ATG9B: variants seen among roughly 807,000 people sequenced by gnomAD.
The protein encoded by ATG9B is autophagy-related protein 9B.
A neutral mutation model predicts 92.9 loss-of-function variants in ATG9B; 92 were observed. The ratio of observed to expected loss-of-function variants is 0.99; its 90% CI spans 0.84 to 1.18. ATG9B has a LOEUF of 1.18. Among genes scored for constraint, ATG9B ranks in the 50% most tolerant of loss-of-function variants. The pLI is 0.00. For synonymous variants in ATG9B, 599 were observed against 551.4 expected (o/e 1.09, Z -1.21); for missense variants, 1,344 against 1,235.0 (o/e 1.09, Z -1.32).
intron 11 of ATG9B, 38 bp downstream of exon 11, chr7:151,016,393 T>C: frequency 1.3e-6 from 2 of 1,543,894 alleles, no homozygotes; most frequent in Non-Finnish European, 1.8e-6. Flanking sequence ...TCACCTGCCT[T>C]CTCTCCACAT....
At chr7:151,012,317 C>T (rs2117138020), downstream of ATG9B, 1 of 1,531,540 alleles carries the variant, frequency 6.5e-7, no homozygotes, top group Non-Finnish European at 8.8e-7. Context: ...GCAGGAAAGG[C>T]AAAGGGGACC....
At position 151,018,482 on chromosome 7, in the gene ATG9B, C is replaced by A. The variant is rs773909156; in HGVS notation, c.1719-35G>T. ...GGGATCCGTGGGGGGAAGGGGCCTG[C>A]GATTAGGAGGACGCGCGGTGGGATG... On this transcript the variant is annotated intron_variant, in intron 6 of 13. Transcript: ENST00000639579. The surrounding 1 kb of genome is among the most constrained non-coding windows in gnomAD (Gnocchi z 4.7). The A allele has an allele frequency of 4.6e-6, 7 of 1,515,882 alleles. No homozygotes were observed. The highest frequency in any genetic ancestry group is 1.3e-5 in the South Asian group (1 of 76,988). 93.9% of individuals were successfully genotyped at this position (1,515,882 alleles called of 1,614,324 possible).
intron 5 of ATG9B, 145 bp from the exon 6 acceptor site, chr7:151,019,519 C>T: frequency 1.8e-6 from 2 of 1,117,130 alleles, no homozygotes; most frequent in Non-Finnish European, 2.4e-6. Context: ...ACATCGTCCC[C>T]CTCTCCCACC....
chr7:151,017,067 G>C lies in ATG9B; in HGVS notation c.2258C>G (p.Pro753Arg), dbSNP rs375556046. Residue 753 changes from proline to arginine, a missense_variant, in exon 9 of 14, where the codon CCG becomes CGG. By Grantham distance (103) the Pro-to-Arg change is moderately radical. Transcript: ENST00000639579. ...GATSARGPST[P>R]GVLSNCTSPL... ...CGAGGTGCAGTTGCTGAGCACCCCC[G>C]GGGTGGAGGGGCCGCGAGCCGAGGT... 1.5e-4 allele frequency: 239 copies of C among 1,604,858 alleles called. No individual in the cohort carries two copies. In the East Asian group the frequency reaches 2.9e-3, roughly 19 times the overall value.
At chr7:151,017,676 T>C (rs1258411323) in intron 8 of ATG9B, among the ~76,000 whole-genome samples, 195 bp downstream of exon 8, 1 of 152,242 alleles carries the variant, frequency 6.6e-6, no homozygotes, top group Admixed American at 6.5e-5. Flanking sequence ...AGCCTGGCCT[T>C]GGCTGTGCTC....
chr7:151,014,423 C>T (rs571644639), downstream of ATG9B: 9 of 471,506 alleles, frequency 1.9e-5, no homozygotes, highest in Admixed American at 1.5e-4. Flanking sequence ...GGGCCTACTG[C>T]CACCCGCTTC....
chr7:151,015,672 A>C lies in ATG9B; in HGVS notation c.*56T>G, dbSNP rs1584918648. 1.8e-6 allele frequency: 1 copy of C among 551,228 alleles called. No homozygotes were observed. The highest frequency in any genetic ancestry group is 4.2e-5 in the South Asian group (1 of 23,820). 34.1% of individuals were successfully genotyped at this position (551,228 alleles called of 1,614,324 possible). A position where few individuals can be genotyped will look rare whatever the true frequency, so the allele number is the denominator to read the frequency against. ...TAACAATGACTCCTTGTGTTTTTCTACTCCACCCTCCAATCTCCTGTGGCT... is the reference window on the plus strand; with the variant it reads ...TAACAATGACTCCTTGTGTTTTTCTCCTCCACCCTCCAATCTCCTGTGGCT... On this transcript the variant is annotated 3_prime_UTR_variant, in exon 14 of 14. Coordinates refer to ENST00000639579, the MANE Select transcript of ATG9B (RefSeq NM_001317056.2).
rs1563267794 is a variant in ATG9B, at chr7:151,023,963, A to T, written c.461T>A (p.Leu154Gln). 6 of 1,589,900 alleles carry T rather than the reference A, an allele frequency of 3.8e-6. No homozygotes were observed. The highest frequency in any genetic ancestry group is 5.1e-6 in the Non-Finnish European group (6 of 1,168,208). Reference protein sequence around the residue: ...PLIPEQDYERLEDCDPEGSQD... With the variant: ...PLIPEQDYERQEDCDPEGSQD... ...GGACCCCTCAGGGTCACAGTCCTCC[A>T]GCCGCTCATAATCCTGTTCAGGGAT... is the stretch of plus-strand genomic sequence containing the variant. Residue 154 changes from leucine to glutamine, a missense_variant, in exon 1 of 14, where the codon CTG becomes CAG. Leu to Gln is a moderately radical substitution (Grantham distance 113, BLOSUM62 -2). Transcript: ENST00000639579.
chr7:151,014,442 T>G (rs1226590873), downstream of ATG9B: 2 of 460,946 alleles, frequency 4.3e-6, no homozygotes, highest in Admixed American at 3.8e-5. Context: ...TCCTGTTTCT[T>G]AGTCGAATGT....
In ATG9B at chr7:151,018,455, G is replaced by T; in HGVS notation, c.1719-8C>A. On this transcript the variant is annotated splice_polypyrimidine_tract_variant and splice_region_variant and intron_variant, in intron 6 of 13. Coordinates refer to ENST00000639579, the MANE Select transcript of ATG9B (RefSeq NM_001317056.2). This position sits in a 1 kb window ranked among gnomAD's most constrained non-coding sequence, Gnocchi z 4.7. ...TCTTCCGGAATGAAAGACCTGAAAG[G>T]CGGGATCCGTGGGGGGAAGGGGCCT... 1 of 1,523,416 alleles carries T rather than the reference G, an allele frequency of 6.6e-7. No individual in the cohort carries two copies. The allele number at this position is 1,523,416 out of a possible 1,614,324, so 94.4% of individuals were successfully genotyped here. A position where few individuals can be genotyped will look rare whatever the true frequency, so the allele number is the denominator to read the frequency against.
In ATG9B at chr7:151,018,655, G is replaced by A. The variant is rs1795613097; in HGVS notation, c.1683C>T (p.Ala561=). The A allele has an allele frequency of 8.1e-6, 13 of 1,607,504 alleles. No individual in the cohort carries two copies. The highest frequency in any genetic ancestry group is 1.3e-5 in the African/African-American group (1 of 74,614). Residue 561 remains alanine, a synonymous_variant, in exon 6 of 14, where the codon GCC becomes GCT. Coordinates refer to ENST00000639579, the MANE Select transcript of ATG9B (RefSeq NM_001317056.2). The surrounding 1 kb of genome is among the most constrained non-coding windows in gnomAD (Gnocchi z 4.7). ...DVLAVEHVLT[A]MTALGVTATV... ...TGGCGGTGACCCCGAGCGCGGTCATGGCGGTGAGCACGTGCTCCACGGCTA... is the reference window on the plus strand; with the variant it reads ...TGGCGGTGACCCCGAGCGCGGTCATAGCGGTGAGCACGTGCTCCACGGCTA...
rs746670640 is a variant in ATG9B at position 151,024,136 on chromosome 7, G to A, written c.288C>T (p.Thr96=). Residue 96 remains threonine, a synonymous_variant, in exon 1 of 14, where the codon ACC becomes ACT. Coordinates refer to ENST00000639579, the MANE Select transcript of ATG9B (RefSeq NM_001317056.2). ...TTGCAGGTTGAGCCTGTGTTGGGGG[G>A]GTGGCTGGGATAGGGAGAGCACTGT... ...SCHSALPIPA[T]PPTQAQPAMT... 6 of 1,588,702 alleles carry A rather than the reference G, an allele frequency of 3.8e-6. No homozygotes were observed. Among genetic ancestry groups the A allele is most frequent in the African/African-American group, 1.3e-5 (1 of 74,618 alleles).
chr7:151,016,388 T>C, intron 11 of ATG9B, 43 bp downstream of exon 11: 1 of 1,541,692 alleles, frequency 6.5e-7, no homozygotes, highest in Non-Finnish European at 8.8e-7. Context: ...GTTGTTCACC[T>C]GCCTTCTCTC....
chr7:151,019,009 G>C lies in ATG9B; in HGVS notation c.1329C>G (p.Ala443=), dbSNP rs368435711. ...ARWGRTVLLL[A]ALNLALSPLV... is the part of the protein sequence containing the mutation. ...GCGGGCTCAGCGCCAGGTTCAGGGC[G>C]GCCAGCAGCAGCACTGTGCGCCCCC... The change falls in exon 6 of 14, where the codon GCC becomes GCG. Residue 443 remains alanine, a synonymous_variant. Transcript: ENST00000639579. 7.7e-6 allele frequency: 12 copies of C among 1,562,208 alleles called. No homozygotes were observed. The South Asian group carries it at 1.3e-4, about 17-fold the overall frequency.
At chr7:151,014,198 G>T, downstream of ATG9B, 1 of 1,578,858 alleles carries the variant, frequency 6.3e-7, no homozygotes, top group Non-Finnish European at 8.6e-7. Context: ...TTCCAGTTCC[G>T]GGAGAGCGGC....
rs538173506 is a variant in ATG9B at position 151,022,236 on chromosome 7, C to G, written c.821+809G>C. 3.4e-5 allele frequency among the ~76,000 whole-genome samples: 5 copies of G among 148,428 alleles called. 1 individual carries two copies. The highest frequency in any genetic ancestry group is 1.3e-4 in the African/African-American group (5 of 39,518). ...GTAGGGATGCTGCAGTGATCAGAGA[C>G]AGTCACTGTCTTAGCCTCCTGACTA... On this transcript the variant is annotated intron_variant, in intron 4 of 13. Coordinates refer to ENST00000639579, the MANE Select transcript of ATG9B (RefSeq NM_001317056.2).
downstream of ATG9B, chr7:151,014,043 C>T (rs1351506130): frequency 1.2e-6 from 2 of 1,613,518 alleles, no homozygotes; most frequent in Non-Finnish European, 1.7e-6. Context: ...TTTTCGGGCT[C>T]ACGCTGCGCA....
In ATG9B at chr7:151,024,139, G is replaced by C. The variant is rs372963052; in HGVS notation, c.285C>G (p.Ala95=). 5 of 1,585,820 alleles carry C rather than the reference G, an allele frequency of 3.2e-6. No individual in the cohort carries two copies. The African/African-American group carries it at 5.4e-5, about 17-fold the overall frequency. ...QSCHSALPIP[A]TPPTQAQPAM... ...CAGGTTGAGCCTGTGTTGGGGGGGT[G>C]GCTGGGATAGGGAGAGCACTGTGGC... is the stretch of plus-strand genomic sequence containing the variant. The change falls in exon 1 of 14, where the codon GCC becomes GCG. Residue 95 remains alanine, a synonymous_variant. Transcript: ENST00000639579.
chr7:151,018,644 A>G lies in ATG9B; in HGVS notation c.1694T>C (p.Leu565Pro). 6.2e-7 allele frequency: 1 copy of G among 1,606,748 alleles called. No individual in the cohort carries two copies. The change falls in exon 6 of 14, where the codon CTC (leucine) becomes CCC (proline). Residue 565 changes from leucine to proline, a missense_variant. Coordinates refer to ENST00000639579, the MANE Select transcript of ATG9B (RefSeq NM_001317056.2). This position sits in a 1 kb window ranked among gnomAD's most constrained non-coding sequence, Gnocchi z 4.7. ...CCTGGCGACGGTGGCGGTGACCCCG[A>G]GCGCGGTCATGGCGGTGAGCACGTG... ...VEHVLTAMTA[L>P]GVTATVARSF...
Sources: gnomAD v4.1 joint callset for allele counts (sites outside exome capture counted in the v4.1 genomes callset) on GRCh38, gnomAD v4.1.1 for gene constraint, Gnocchi (gnomAD v3.1) non-coding constraint, MANE v1.5 for transcripts, NCBI Gene and HGNC (gene_info 2026-07-23, HGNC 2026-07-21) for gene names.